The following SEMA3A variants were observed in gnomAD, a reference collection of about 807,000 sequenced individuals.
SEMA3A encodes semaphorin-3A.
SEMA3A carries 29 observed loss-of-function variants against 97.9 expected under a neutral mutation model. That is an observed-to-expected ratio of 0.30 (90% confidence interval 0.22 to 0.40). The LOEUF (loss-of-function observed/expected upper bound fraction) is 0.40, where lower values mean the gene tolerates loss of function less well. Ranked by LOEUF, SEMA3A falls within the 10% of genes least tolerant of loss-of-function variation. The pLI is 1.00. For missense variants in SEMA3A, 763 were observed against 951.3 expected, an observed-to-expected ratio of 0.80 and a Z score of 2.60; for synonymous variants, 321 against 323.7, an observed-to-expected ratio of 0.99 and a Z score of 0.09.
chr7:84,101,307 A>G (rs1794952114), intron 4 of SEMA3A, among the ~76,000 whole-genome samples: 1 of 152,180 alleles, frequency 6.6e-6, no homozygotes, highest in Non-Finnish European at 1.5e-5. Flanking sequence ...GATGCAAACA[A>G]AGCTATGACA....
At chr7:84,425,391 A>T (rs1377895461) in intron 1 of SEMA3A, among the ~76,000 whole-genome samples, 1 of 132,804 alleles carries the variant, frequency 7.5e-6, no homozygotes, top group African/African-American at 2.7e-5. Flanking sequence ...TATGCATATA[A>T]TATATTCACA....
chr7:84,128,266 A>AGAAAGAAAGGATGAAAG (rs1795860813), intron 3 of SEMA3A, among the ~76,000 whole-genome samples: 1 of 152,110 alleles, frequency 6.6e-6, no homozygotes, highest in African/African-American at 2.4e-5. Context: ...GGAGAGAGGA[A>AGAAAGAAAGGATGAAAG]GAAAGAAAGG....
At chr7:84,230,194 T>G (rs1799087575) in intron 3 of SEMA3A, among the ~76,000 whole-genome samples, 1 of 152,012 alleles carries the variant, frequency 6.6e-6, no homozygotes, top group African/African-American at 2.4e-5. Context: ...CATAATGATC[T>G]TTGTTAATTG....
intron 4 of SEMA3A, among the ~76,000 whole-genome samples, chr7:84,072,096 A>T (rs1305125226): frequency 1.3e-5 from 2 of 152,090 alleles, no homozygotes; most frequent in African/African-American, 4.8e-5. Flanking sequence ...TATGTGTGTT[A>T]TTATTAATAT....
intron 9 of SEMA3A, among the ~76,000 whole-genome samples, chr7:84,009,443 G>A (rs1160566347): frequency 6.6e-6 from 1 of 152,166 alleles, no homozygotes; most frequent in Admixed American, 6.5e-5. Flanking sequence ...AAACATCCAA[G>A]CAATTTGTAA....
upstream of SEMA3A, among the ~76,000 whole-genome samples, chr7:84,197,249 AATT>A (rs1798253927): frequency 6.6e-6 from 1 of 152,134 alleles, no homozygotes; most frequent in Non-Finnish European, 1.5e-5. Context: ...TTATCCTCCA[AATT>A]ATTTATGATC....
chr7:84,350,240 A>G (rs1237917465), intron 2 of SEMA3A, among the ~76,000 whole-genome samples: 2 of 151,956 alleles, frequency 1.3e-5, no homozygotes, highest in Non-Finnish European at 2.9e-5. Context: ...TTCATTCTAC[A>G]TCTCCTCCTT....
chr7:84,311,091 C>T (rs75536669), intron 2 of SEMA3A, among the ~76,000 whole-genome samples: 3,994 of 151,638 alleles, frequency 0.026, 180 homozygotes, highest in African/African-American at 0.091. Flanking sequence ...TAATTTCAAA[C>T]AATCTTATCT....
chr7:84,034,836 G>A (rs1791884695), intron 6 of SEMA3A, among the ~76,000 whole-genome samples: 1 of 151,792 alleles, frequency 6.6e-6, no homozygotes, highest in Admixed American at 6.6e-5. Context: ...GTTTGCGTAG[G>A]TACCTCATCA....
intron 3 of SEMA3A, among the ~76,000 whole-genome samples, chr7:84,203,690 CCTAA>C (rs1412005966): frequency 6.6e-6 from 1 of 151,004 alleles, no homozygotes; most frequent in Non-Finnish European, 1.5e-5. Context: ...TGCCACCACA[CCTAA>C]CTAATTTTTT....
At chr7:84,281,353 G>A (rs567740604) in intron 3 of SEMA3A, among the ~76,000 whole-genome samples, 1 of 152,238 alleles carries the variant, frequency 6.6e-6, no homozygotes, top group African/African-American at 2.4e-5. Context: ...TTGAAGACAA[G>A]AAACAGCAGC....
At chr7:84,046,236 T>G in intron 6 of SEMA3A, 88 bp downstream of exon 6, 1 of 1,440,180 alleles carries the variant, frequency 6.9e-7, no homozygotes, top group Non-Finnish European at 9.5e-7. Flanking sequence ...AAATTTCAAG[T>G]CATATTGCAT....
At chr7:84,140,417 A>C (rs1437899777) in intron 1 of SEMA3A, among the ~76,000 whole-genome samples, 1 of 152,086 alleles carries the variant, frequency 6.6e-6, no homozygotes, top group Non-Finnish European at 1.5e-5. Flanking sequence ...CCTGTTCTTT[A>C]TATTTCTGAC....
chr7:84,469,151 A>C (rs1461136615), intron 1 of SEMA3A, among the ~76,000 whole-genome samples: 1 of 152,076 alleles, frequency 6.6e-6, no homozygotes, highest in African/African-American at 2.4e-5. Flanking sequence ...TAAACTGTCT[A>C]TTCCTTTCTA....
chr7:84,244,321 A>C lies in SEMA3A; in HGVS notation c.-82-49653T>G, dbSNP rs188562513. Among the ~76,000 whole-genome samples the C allele has an allele frequency of 3.4e-4, 52 of 152,228 alleles. 1 individual carries two copies. In the East Asian group the frequency reaches 0.01, roughly 29 times the overall value. ...TAGGATAGTTAGCTCTTCTTGTTGCATGATCCCTTTACCACTATATAATGC... is the reference window on the plus strand; with the variant it reads ...TAGGATAGTTAGCTCTTCTTGTTGCCTGATCCCTTTACCACTATATAATGC... On this transcript the variant is annotated intron_variant, in intron 3 of 3. Transcript: ENST00000424555.
At chr7:84,255,578 T>G (rs574642313) in intron 3 of SEMA3A, among the ~76,000 whole-genome samples, 1 of 152,260 alleles carries the variant, frequency 6.6e-6, no homozygotes, top group Non-Finnish European at 1.5e-5. Context: ...GGAGTCTACA[T>G]TCTCCCTTTT....
chr7:84,489,177 T>A (rs1806656855), intron 1 of SEMA3A: 4 of 152,260 alleles, frequency 2.6e-5, no homozygotes, highest in Admixed American at 2.6e-4. Flanking sequence ...GGAGACAGAA[T>A]GAGTGCTGAG....
chr7:84,164,753 A>G (rs1015438975), intron 1 of SEMA3A, among the ~76,000 whole-genome samples: 1 of 152,102 alleles, frequency 6.6e-6, no homozygotes, highest in Non-Finnish European at 1.5e-5. Flanking sequence ...GTTGTACCAC[A>G]CTCTATATGC....
intron 6 of SEMA3A, among the ~76,000 whole-genome samples, chr7:84,045,561 T>C (rs1191280021): frequency 1.3e-5 from 2 of 151,884 alleles, no homozygotes; most frequent in African/African-American, 2.4e-5. Flanking sequence ...ATTGCTTAGT[T>C]AAAATTTTGA....
Sources: gnomAD v4.1 joint callset for allele counts (sites outside exome capture counted in the v4.1 genomes callset) on GRCh38, gnomAD v4.1.1 for gene constraint, MANE v1.5 for transcripts, NCBI Gene and HGNC (gene_info 2026-07-23, HGNC 2026-07-21) for gene names.